Variants in MAPRE2 observed in about 807,000 individuals in gnomAD.
MAPRE2 encodes the protein microtubule associated protein RP/EB family member 2.
Under a neutral mutation model 43.2 loss-of-function variants are expected in MAPRE2, and 13 were observed. That is an observed-to-expected ratio of 0.30 (90% CI 0.20 to 0.48). MAPRE2 has a LOEUF of 0.48. Ranked by LOEUF, MAPRE2 falls within the 20% of genes least tolerant of loss-of-function variation. The probability of loss-of-function intolerance (pLI) is 0.99; values close to 1 mark genes in which losing one functional copy is unlikely to be tolerated. For synonymous variants in MAPRE2, 135 were observed against 148.8 expected (o/e 0.91, Z 0.68); for missense variants, 161 against 400.2 (o/e 0.40, Z 5.10).
intron 1 of MAPRE2, among the ~76,000 whole-genome samples, chr18:34,977,831 A>T (rs2097014067): frequency 6.6e-6 from 1 of 152,226 alleles, no homozygotes; most frequent in Admixed American, 6.5e-5. Context: ...GTCTACCCTT[A>T]GAAGGGCTAT....
chr18:35,009,526 C>A (rs537221367), intron 2 of MAPRE2, among the ~76,000 whole-genome samples: 5 of 152,288 alleles, frequency 3.3e-5, no homozygotes, highest in East Asian at 3.9e-4. Context: ...TAAGGCACAG[C>A]CTTCATCATC....
At chr18:35,109,543 T>A (rs1349079955) in intron 4 of MAPRE2, among the ~76,000 whole-genome samples, 1 of 152,210 alleles carries the variant, frequency 6.6e-6, no homozygotes, top group Non-Finnish European at 1.5e-5. Flanking sequence ...ATAAATTATT[T>A]TGGGAAGTAT....
chr18:35,030,921 T>C (rs1434724409), intron 2 of MAPRE2, among the ~76,000 whole-genome samples: 1 of 152,224 alleles, frequency 6.6e-6, no homozygotes, highest in Admixed American at 6.5e-5. Context: ...CCTTTGCACT[T>C]TCTGTTGGCT....
intron 1 of MAPRE2, among the ~76,000 whole-genome samples, chr18:35,058,670 G>A (rs940593753): frequency 2.0e-5 from 3 of 152,112 alleles, no homozygotes; most frequent in Non-Finnish European, 4.4e-5. Flanking sequence ...CATTCCCAGC[G>A]ATAAACTGAG....
intron 1 of MAPRE2, among the ~76,000 whole-genome samples, chr18:34,979,805 A>T (rs1007884464): frequency 6.6e-6 from 1 of 152,098 alleles, no homozygotes; most frequent in Non-Finnish European, 1.5e-5. Flanking sequence ...CTTGCCTTTA[A>T]AACTGTCATC....
intron 1 of MAPRE2, among the ~76,000 whole-genome samples, chr18:35,063,945 C>T (rs1403879420): frequency 7.3e-6 from 1 of 136,558 alleles, no homozygotes; most frequent in African/African-American, 2.8e-5. Context: ...CTGCAGTGAG[C>T]TATGATGGCA....
At chr18:35,053,008 CCA>C (rs10633541) in intron 1 of MAPRE2, among the ~76,000 whole-genome samples, 1,122 of 56,750 alleles carry the variant, frequency 0.02, 17 homozygotes, top group African/African-American at 0.052. Flanking sequence ...AAAGTCCCCC[CCA>C]CACACACACA....
intron 2 of MAPRE2, among the ~76,000 whole-genome samples, chr18:35,015,650 G>A (rs1228303990): frequency 1.3e-5 from 2 of 150,768 alleles, no homozygotes; most frequent in East Asian, 2.0e-4. Context: ...GTGTGTGTGT[G>A]TGTGTGTGTG....
intron 1 of MAPRE2, among the ~76,000 whole-genome samples, chr18:35,058,344 A>G (rs1342865194): frequency 6.6e-6 from 1 of 152,202 alleles, no homozygotes; most frequent in Non-Finnish European, 1.5e-5. Flanking sequence ...ATTTTACCAT[A>G]ATGTAAATAC....
intron 2 of MAPRE2, among the ~76,000 whole-genome samples, chr18:35,007,016 G>T (rs1388565321): frequency 1.3e-5 from 2 of 152,176 alleles, no homozygotes; most frequent in African/African-American, 4.8e-5. Context: ...CCAACAGCTG[G>T]AATATTCAGG....
chr18:35,077,610 A>T (rs985290915), intron 2 of MAPRE2, among the ~76,000 whole-genome samples: 4 of 152,220 alleles, frequency 2.6e-5, no homozygotes, highest in Non-Finnish European at 4.4e-5. Context: ...CTAAAGCCTC[A>T]TCATTGATTT....
intron 1 of MAPRE2, among the ~76,000 whole-genome samples, chr18:34,985,316 T>TAATATAA (rs1568961572): frequency 2.3e-5 from 1 of 43,754 alleles, no homozygotes. Context: ...ATATATTATA[T>TAATATAA]TATATATATA....
intron 1 of MAPRE2, among the ~76,000 whole-genome samples, chr18:34,985,221 T>C (rs1199774549): frequency 4.6e-5 from 3 of 65,456 alleles, no homozygotes; most frequent in African/African-American, 1.8e-4. Context: ...AAATAAAATA[T>C]ATAATATTAT....
At chr18:35,129,463 A>T (rs549125578) in intron 5 of MAPRE2, among the ~76,000 whole-genome samples, 1 of 152,284 alleles carries the variant, frequency 6.6e-6, no homozygotes, top group Admixed American at 6.5e-5. Context: ...GGCCTCCTGC[A>T]TTTTCTCAGG....
intron 1 of MAPRE2, among the ~76,000 whole-genome samples, chr18:34,990,697 T>G (rs1338933005): frequency 1.3e-5 from 2 of 152,160 alleles, no homozygotes; most frequent in Non-Finnish European, 2.9e-5. Flanking sequence ...AAAAGCACAG[T>G]ACTTCTACAC....
chr18:35,134,330 A>G (rs1027622062), intron 6 of MAPRE2, among the ~76,000 whole-genome samples: 1 of 152,254 alleles, frequency 6.6e-6, no homozygotes, highest in Non-Finnish European at 1.5e-5. Flanking sequence ...CTATTATGAC[A>G]GTAGTAATGG....
chr18:35,015,931 A>G (rs747744883), intron 2 of MAPRE2, among the ~76,000 whole-genome samples: 28 of 152,082 alleles, frequency 1.8e-4, no homozygotes, highest in Non-Finnish European at 3.7e-4. Flanking sequence ...AAAGTACCCA[A>G]TAATTTTTCA....
intron 1 of MAPRE2, among the ~76,000 whole-genome samples, chr18:34,978,760 A>G (rs1329905271): frequency 6.6e-6 from 1 of 152,196 alleles, no homozygotes; most frequent in African/African-American, 2.4e-5. Flanking sequence ...TGATTGGTAG[A>G]TAAGCTTAAC....
chr18:35,140,648 CA>C lies in MAPRE2; in HGVS notation c.*280del. 1 of 401,460 alleles carries C rather than the reference CA, an allele frequency of 2.5e-6. No individual in the cohort carries two copies. The highest frequency in any genetic ancestry group is 2.0e-5 in the African/African-American group (1 of 50,502). The allele number at this position is 401,460 out of a possible 1,614,324, so 24.9% of individuals were successfully genotyped here. On this transcript the variant is annotated 3_prime_UTR_variant, in exon 7 of 7. Transcript: ENST00000300249. ...TTGAGATTGGTTCTGCTCTTTTCTT[CA>C]TTTCTTTCCAGAACAACTCTTTCCC...
Sources: gnomAD v4.1 joint callset for allele counts (sites outside exome capture counted in the v4.1 genomes callset) on GRCh38, gnomAD v4.1.1 for gene constraint, MANE v1.5 for transcripts, NCBI Gene and HGNC (gene_info 2026-07-23, HGNC 2026-07-21) for gene names.